The following CDH2 variants were observed in gnomAD, a reference collection of about 807,000 sequenced individuals.
The protein encoded by CDH2 is cadherin 2, also known as cadherin-2.
A neutral mutation model predicts 92.0 loss-of-function variants in CDH2; 17 were observed. The observed-to-expected ratio is 0.18, with a 90% confidence interval of 0.13 to 0.28. The LOEUF is 0.28. CDH2 is among the 10% of genes least tolerant of loss of function. The pLI, the probability that CDH2 is intolerant of heterozygous loss-of-function variation, is 1.00. For synonymous variants in CDH2, 419 were observed against 415.9 expected (o/e 1.01, Z -0.09); for missense variants, 862 against 1,133.1 (o/e 0.76, Z 3.44).
chr18:28,163,131 T>C (rs1251940703), intron 1 of CDH2, among the ~76,000 whole-genome samples: 2 of 152,042 alleles, frequency 1.3e-5, no homozygotes, highest in Non-Finnish European at 2.9e-5. Flanking sequence ...TCAAAATACA[T>C]AGAAAAACTC....
intron 5 of CDH2, among the ~76,000 whole-genome samples, chr18:28,007,165 A>AAAAATATATATATATATATATATATATAT (rs1172779200): frequency 1.8e-5 from 2 of 110,462 alleles, no homozygotes; most frequent in African/African-American, 8.9e-5. Flanking sequence ...ATAAAAAAAA[A>AAAAATATATATATATATATATATATATAT]ATATATATAT....
At chr18:27,994,107 CA>C (rs981385919) in intron 7 of CDH2, among the ~76,000 whole-genome samples, 4 of 152,214 alleles carry the variant, frequency 2.6e-5, no homozygotes, top group East Asian at 3.9e-4. Context: ...TATGTTCTTA[CA>C]TATATTCTAT....
intron 13 of CDH2, among the ~76,000 whole-genome samples, chr18:27,984,045 C>T (rs2012146521): frequency 6.6e-6 from 1 of 152,148 alleles, no homozygotes; most frequent in Admixed American, 6.5e-5. Context: ...TGTTCCAGGG[C>T]TAAATCTAGC....
chr18:28,031,429 T>C (rs1262584097), intron 2 of CDH2, among the ~76,000 whole-genome samples: 1 of 152,060 alleles, frequency 6.6e-6, no homozygotes, highest in Admixed American at 6.6e-5. Flanking sequence ...CTACTTCCAC[T>C]CTTCACAACA....
intron 2 of CDH2, among the ~76,000 whole-genome samples, chr18:28,092,707 T>G (rs2015059145): frequency 6.6e-6 from 1 of 152,052 alleles, no homozygotes; most frequent in African/African-American, 2.4e-5. Flanking sequence ...AATTCAGAGG[T>G]GGTATCAAAT....
At chr18:28,148,414 A>T (rs1220917688) in intron 1 of CDH2, among the ~76,000 whole-genome samples, 1 of 152,214 alleles carries the variant, frequency 6.6e-6, no homozygotes, top group Non-Finnish European at 1.5e-5. Context: ...GAAAGTAACC[A>T]AGTATCTGTC....
chr18:27,986,144 T>C (rs1011408620), intron 11 of CDH2, among the ~76,000 whole-genome samples: 4 of 152,280 alleles, frequency 2.6e-5, no homozygotes, highest in African/African-American at 9.6e-5. Context: ...CTATTCTTTT[T>C]ATGGAGAACC....
chr18:28,148,899 C>A (rs2016079164), intron 1 of CDH2, among the ~76,000 whole-genome samples: 1 of 152,126 alleles, frequency 6.6e-6, no homozygotes, highest in Non-Finnish European at 1.5e-5. Flanking sequence ...ATAAACTGTT[C>A]TTTTCAAATC....
Position 27,952,335 on chromosome 18 carries a change from G to C in CDH2, c.2539C>G (p.Pro847Ala). 1 of 1,613,512 alleles carries C rather than the reference G, an allele frequency of 6.2e-7. No homozygotes were observed. The highest frequency in any genetic ancestry group is 2.2e-5 in the East Asian group (1 of 44,862). Residue 847 changes from proline (P) to alanine (A), a missense_variant, in exon 16 of 16, where the codon CCC (proline) becomes GCC (alanine). Pro to Ala is a conservative substitution (Grantham distance 27). This residue lies in a region of CDH2 where 114 missense variants were observed against 144.8 expected (regional missense o/e 0.79). Transcript: ENST00000269141. ...NEGLKAADND[P>A]TAPPYDSLLV... ...AGGGAGTCATATGGTGGAGCTGTGG[G>C]GTCATTGTCAGCCGCTTTAAGGCCC...
chr18:27,947,514 G>C (rs79890023), downstream of CDH2, among the ~76,000 whole-genome samples: 10 of 151,692 alleles, frequency 6.6e-5, no homozygotes, highest in African/African-American at 2.2e-4. Context: ...AAAAAAGAAC[G>C]TAAGAAATTT....
At chr18:28,146,064 T>G (rs1290966298) in intron 2 of CDH2, among the ~76,000 whole-genome samples, 2 of 152,156 alleles carry the variant, frequency 1.3e-5, no homozygotes, top group Non-Finnish European at 2.9e-5. Flanking sequence ...TATCTAATAA[T>G]GTGAAAACAA....
intron 2 of CDH2, among the ~76,000 whole-genome samples, chr18:28,071,064 G>A (rs926651493): frequency 2.6e-5 from 4 of 151,942 alleles, no homozygotes; most frequent in Non-Finnish European, 5.9e-5. Flanking sequence ...AGAATGATGT[G>A]TATCTCCCCT....
chr18:28,000,566 G>C (rs1444910299), intron 7 of CDH2, among the ~76,000 whole-genome samples: 3 of 152,142 alleles, frequency 2.0e-5, no homozygotes, highest in Non-Finnish European at 4.4e-5. Flanking sequence ...GGGGGGAGCA[G>C]GGGTGAGTCT....
chr18:28,172,547 T>C (rs1201337650), intron 1 of CDH2, among the ~76,000 whole-genome samples: 2 of 152,212 alleles, frequency 1.3e-5, no homozygotes, highest in Admixed American at 1.3e-4. Flanking sequence ...TGAGACACAG[T>C]GATTTGTTGG....
Position 28,009,813 on chromosome 18 carries a change from A to G in CDH2, c.606T>C (p.Ala202=), listed in dbSNP as rs755072281. 4 of 1,613,888 alleles carry G rather than the reference A, an allele frequency of 2.5e-6. No individual in the cohort carries two copies. The Admixed American group carries it at 6.7e-5, about 27-fold the overall frequency. Residue 202 remains alanine, a synonymous_variant, in exon 5 of 16, where the codon GCT becomes GCC. Transcript: ENST00000269141. ...SLRYSVTGPG[A]DQPPTGIFII... is the part of the protein sequence containing the mutation. Reference sequence around the variant, plus strand: ...TGAAGATACCAGTTGGAGGCTGGTCAGCTCCTGGCCCAGTTACACTGTACC... The same window carrying G: ...TGAAGATACCAGTTGGAGGCTGGTCGGCTCCTGGCCCAGTTACACTGTACC...
Position 27,952,158 on chromosome 18 carries a change from C to A in CDH2, c.2716G>T (p.Asp906Tyr). Residue 906 changes from aspartate (D) to tyrosine (Y), a missense_variant, in exon 16 of 16, where the codon GAC becomes TAC. By Grantham distance (160) the Asp-to-Tyr change is radical. Around this residue, in one of 5 missense-constraint regions of CDH2, gnomAD observed 114 missense variants for 144.8 expected, o/e 0.79. Transcript: ENST00000269141. ...AACCAAGTTCACCCTGAAGTTCAGTCATCACCTCCACCATACATGTCAGCA... is the reference window on the plus strand; with the variant it reads ...AACCAAGTTCACCCTGAAGTTCAGTAATCACCTCCACCATACATGTCAGCA... Reference protein sequence around the residue: ...KLADMYGGGDD With the variant: ...KLADMYGGGDY 1 of 1,613,188 alleles carries A rather than the reference C, an allele frequency of 6.2e-7. No individual in the cohort carries two copies. Among genetic ancestry groups the A allele is most frequent in the South Asian group, 1.1e-5 (1 of 91,044 alleles).
At chr18:28,058,816 T>G (rs900448378) in intron 2 of CDH2, among the ~76,000 whole-genome samples, 27 of 152,198 alleles carry the variant, frequency 1.8e-4, no homozygotes, top group Non-Finnish European at 2.1e-4. Flanking sequence ...CTGCTTTGAT[T>G]TGGCCCAGTC....
intron 1 of CDH2, among the ~76,000 whole-genome samples, chr18:28,175,163 C>T (rs1045476793): frequency 2.6e-5 from 4 of 152,100 alleles, no homozygotes; most frequent in Admixed American, 1.3e-4. Context: ...GAATAAAGGG[C>T]GGTTTTATAA....
In CDH2 at chr18:27,954,558, T is replaced by A. The variant is rs541394857; in HGVS notation, c.2515-2199A>T. ...CAGATGGGAAGTTTATCTGCCTGGA[T>A]CCTGAAACGAAGACGACATATGGAT... On this transcript the variant is annotated intron_variant, in intron 15 of 15. Transcript: ENST00000269141. 1.6e-4 allele frequency: 24 copies of A among 152,296 alleles called. 1 individual carries two copies. The highest frequency in any genetic ancestry group is 1.4e-3 in the Admixed American group (21 of 15,286). 9.4% of individuals were successfully genotyped at this position (152,296 alleles called of 1,614,324 possible).
Sources: gnomAD v4.1 joint callset for allele counts (sites outside exome capture counted in the v4.1 genomes callset) on GRCh38, gnomAD v4.1.1 for gene constraint, gnomAD v4.1.1 regional missense constraint, MANE v1.5 for transcripts, NCBI Gene and HGNC (gene_info 2026-07-23, HGNC 2026-07-21) for gene names.